CYP4Z1: variants seen among roughly 807,000 people sequenced by gnomAD.
The protein encoded by CYP4Z1 is cytochrome P450 4Z1.
CYP4Z1 carries 41 observed loss-of-function variants against 54.2 expected under a neutral mutation model. That is an observed-to-expected ratio of 0.76 (90% CI 0.59 to 0.98). CYP4Z1 has a LOEUF of 0.98. Ranked by LOEUF, CYP4Z1 falls within the 50% of genes least tolerant of loss-of-function variation. CYP4Z1 has a pLI of 0.00. For synonymous variants in CYP4Z1, 163 were observed against 206.2 expected (o/e 0.79, Z 1.79); for missense variants, 513 against 599.0 (o/e 0.86, Z 1.50).
At chr1:47,088,045 C>A (rs567304890) in intron 6 of CYP4Z1, among the ~76,000 whole-genome samples, 1 of 152,200 alleles carries the variant, frequency 6.6e-6, no homozygotes, top group African/African-American at 2.4e-5. Context: ...GGGATGAAGC[C>A]CACTTGATCA....
At chr1:47,102,209 A>G (rs542831281) in intron 8 of CYP4Z1, among the ~76,000 whole-genome samples, 37 of 152,296 alleles carry the variant, frequency 2.4e-4, no homozygotes, top group African/African-American at 8.2e-4. Flanking sequence ...CATTCAGCCA[A>G]TGTATACCTT....
chr1:47,103,542 G>GT (rs1182596786), intron 8 of CYP4Z1, among the ~76,000 whole-genome samples: 1 of 125,692 alleles, frequency 8.0e-6, no homozygotes, highest in Non-Finnish European at 1.8e-5. Context: ...TCTTTTTAGT[G>GT]TTTTTCTGCA....
At chr1:47,078,671 A>G (rs1000443346) in intron 2 of CYP4Z1, among the ~76,000 whole-genome samples, 4 of 131,994 alleles carry the variant, frequency 3.0e-5, no homozygotes, top group Non-Finnish European at 4.8e-5. Context: ...GAATAAAAGA[A>G]AAAAAGGTAG....
At chr1:47,062,694 C>T (rs1001250999), upstream of CYP4Z1, among the ~76,000 whole-genome samples, 3 of 152,214 alleles carry the variant, frequency 2.0e-5, no homozygotes, top group East Asian at 5.8e-4. Flanking sequence ...GCAAGCCCCG[C>T]CCAAGGAAAG....
the CYP4Z1 span, among the ~76,000 whole-genome samples, chr1:47,061,321 T>C: frequency 6.6e-6 from 1 of 152,008 alleles, no homozygotes; most frequent in African/African-American, 2.4e-5. Flanking sequence ...AAGATCCAAA[T>C]AGACACAATT....
At chr1:47,057,912 GA>G in the CYP4Z1 span, among the ~76,000 whole-genome samples, 4 of 151,864 alleles carry the variant, frequency 2.6e-5, no homozygotes, top group African/African-American at 9.7e-5. Flanking sequence ...ATAATATAAA[GA>G]CTTTGGATTC....
chr1:47,063,805 G>T (rs1485110904), upstream of CYP4Z1, among the ~76,000 whole-genome samples: 2 of 152,066 alleles, frequency 1.3e-5, no homozygotes, highest in Non-Finnish European at 2.9e-5. Flanking sequence ...TCTAAAATTT[G>T]GAAAACATAT....
At position 47,115,520 on chromosome 1, in the gene CYP4Z1, T is replaced by C; in HGVS notation, c.1202-9T>C. 6.2e-7 allele frequency: 1 copy of C among 1,612,410 alleles called. No homozygotes were observed. The highest frequency in any genetic ancestry group is 2.2e-5 in the East Asian group (1 of 44,814). On this transcript the variant is annotated splice_polypyrimidine_tract_variant and intron_variant, in intron 9 of 11. Transcript: ENST00000334194. ...ATGCACTTACCTGCTTTTTCTTCTG[T>C]TTACTCAGGAATAACTGTGTTTATC...
chr1:47,077,193 A>G lies in CYP4Z1; in HGVS notation c.320-3430A>G, dbSNP rs112966824. ...AAGGGATGTAGTGAATTCTCCAATT[A>G]TAATTTTAGAACTGTCTATTTCTCC... On this transcript the variant is annotated intron_variant, in intron 2 of 11. Transcript: ENST00000334194. Among the ~76,000 whole-genome samples the G allele has an allele frequency of 5.0e-3, 762 of 152,214 alleles. 6 individuals are homozygous for G. The highest frequency in any genetic ancestry group is 0.017 in the African/African-American group (711 of 41,522).
At chr1:47,088,321 G>C (rs1433036813) in intron 6 of CYP4Z1, among the ~76,000 whole-genome samples, 1 of 152,034 alleles carries the variant, frequency 6.6e-6, no homozygotes, top group African/African-American at 2.4e-5. Flanking sequence ...AATCCATCTG[G>C]TCCTGTACTT....
rs1177551765 is a variant in CYP4Z1 at position 47,086,633 on chromosome 1, A to AT, written c.772+1656dup. On this transcript the variant is annotated intron_variant, in intron 6 of 11. Transcript: ENST00000334194. ...GAGGAGATTGCAAAAATTTTCTCCC[A>AT]TCTGTAGGCTGTCTGTTCACTCTGA... Among the ~76,000 whole-genome samples, 585 of 152,188 alleles carry AT rather than the reference A, an allele frequency of 3.8e-3. 3 individuals are homozygous for AT. Among genetic ancestry groups the AT allele is most frequent in the African/African-American group, 0.013 (550 of 41,518 alleles).
intron 6 of CYP4Z1, among the ~76,000 whole-genome samples, chr1:47,087,239 T>C (rs1388980449): frequency 6.6e-6 from 1 of 152,160 alleles, no homozygotes; most frequent in Non-Finnish European, 1.5e-5. Flanking sequence ...AAGAAAGTCA[T>C]TGGTAGCTTG....
chr1:47,105,918 C>CGG lies in CYP4Z1; in HGVS notation c.1068-202_1068-201dup, dbSNP rs10567873. Among the ~76,000 whole-genome samples, 89 of 150,434 alleles carry CGG rather than the reference C, an allele frequency of 5.9e-4. 1 individual carries two copies. The highest frequency in any genetic ancestry group is 2.0e-3 in the African/African-American group (80 of 40,952). On this transcript the variant is annotated intron_variant, in intron 8 of 11. Transcript: ENST00000334194. ...TCTCAGGATAAGAGCCCTATATCTG[C>CGG]GGGGGGGGGAGAATCACTTACAGTT...
chr1:47,073,899 T>C (rs1476175746), intron 2 of CYP4Z1, among the ~76,000 whole-genome samples: 4 of 152,354 alleles, frequency 2.6e-5, no homozygotes, highest in Non-Finnish European at 5.9e-5. Flanking sequence ...TTGTGGTTTG[T>C]CTTTTAACCC....
chr1:47,106,227 C>T lies in CYP4Z1; in HGVS notation c.1167C>T (p.Pro389=), dbSNP rs1468877220. 1 of 1,613,366 alleles carries T rather than the reference C, an allele frequency of 6.2e-7. No individual in the cohort carries two copies. The highest frequency in any genetic ancestry group is 1.7e-5 in the Admixed American group (1 of 59,920). ...VVNISRLLDK[P]ITFPDGRSLP... is the part of the protein sequence containing the mutation. ...ACATATCCCGGTTACTCGACAAACC[C>T]ATCACCTTTCCAGATGGACGCTCCT... Residue 389 remains proline (P), a synonymous_variant, in exon 9 of 12, where the codon CCC becomes CCT. Transcript: ENST00000334194.
At chr1:47,101,549 T>G (rs1357988838) in intron 8 of CYP4Z1, among the ~76,000 whole-genome samples, 1 of 152,164 alleles carries the variant, frequency 6.6e-6, no homozygotes, top group Non-Finnish European at 1.5e-5. Context: ...CATGTATTTG[T>G]ACAGTTTCTA....
chr1:47,105,188 A>C (rs3122307), intron 8 of CYP4Z1, among the ~76,000 whole-genome samples: 18,091 of 85,944 alleles, frequency 0.21, 1,141 homozygotes, highest in East Asian at 0.58. Flanking sequence ...CCACCTTGGC[A>C]CCAGCAGCAG....
At chr1:47,077,725 A>G (rs1644536022) in intron 2 of CYP4Z1, among the ~76,000 whole-genome samples, 2 of 151,346 alleles carry the variant, frequency 1.3e-5, no homozygotes, top group East Asian at 1.9e-4. Context: ...GGCCCAAGTA[A>G]TCCTCCCACT....
intron 7 of CYP4Z1, among the ~76,000 whole-genome samples, chr1:47,098,458 A>C (rs568132396): frequency 6.6e-6 from 1 of 152,330 alleles, no homozygotes; most frequent in African/African-American, 2.4e-5. Flanking sequence ...TTAATTGTTA[A>C]ACAAAATTAA....
Sources: allele counts gnomAD v4.1 joint callset (sites outside exome capture counted in the v4.1 genomes callset), GRCh38; gene constraint gnomAD v4.1.1; transcripts MANE v1.5; gene names NCBI Gene and HGNC (gene_info 2026-07-23, HGNC 2026-07-21).